Variants in FUT8 observed in about 807,000 individuals in gnomAD.
FUT8 encodes the protein fucosyltransferase 8.
Under a neutral mutation model 71.3 loss-of-function variants are expected in FUT8, and 29 were observed. The ratio of observed to expected loss-of-function variants is 0.41; its 90% confidence interval spans 0.30 to 0.55. FUT8 has a LOEUF of 0.55. Ranked by LOEUF, FUT8 falls within the 20% of genes least tolerant of loss-of-function variation. The probability of loss-of-function intolerance (pLI) is 0.34; values close to 1 mark genes in which losing one functional copy is unlikely to be tolerated. For missense variants in FUT8, 544 were observed against 702.1 expected (o/e 0.77, Z 2.55); for synonymous variants, 254 against 239.3 (o/e 1.06, Z -0.57).
intron 3 of FUT8, among the ~76,000 whole-genome samples, chr14:65,608,441 G>T (rs1888701921): frequency 6.6e-6 from 1 of 151,862 alleles, no homozygotes; most frequent in African/African-American, 2.4e-5. Context: ...AGAGAGCCGT[G>T]TAATCATTTC....
chr14:65,450,507 G>A (rs771256056), intron 1 of FUT8, among the ~76,000 whole-genome samples: 3 of 152,090 alleles, frequency 2.0e-5, no homozygotes, highest in Non-Finnish European at 4.4e-5. Flanking sequence ...TTCCACTAAC[G>A]ATAAGCAAGT....
intron 7 of FUT8, among the ~76,000 whole-genome samples, chr14:65,700,978 A>T (rs888852056): frequency 2.0e-5 from 3 of 152,202 alleles, no homozygotes; most frequent in Admixed American, 2.0e-4. Context: ...CAACTTAGTG[A>T]TCTGTTGAAT....
chr14:65,359,640 A>T, the FUT8 span, among the ~76,000 whole-genome samples: 21 of 152,210 alleles, frequency 1.4e-4, no homozygotes, highest in Non-Finnish European at 2.1e-4. Flanking sequence ...GAGTTCATCC[A>T]TGTTATACTG....
chr14:65,588,763 T>C (rs1887526758), intron 3 of FUT8, among the ~76,000 whole-genome samples: 1 of 152,212 alleles, frequency 6.6e-6, no homozygotes, highest in Non-Finnish European at 1.5e-5. Context: ...CTAACATTTA[T>C]TACATTATCT....
chr14:65,733,562 C>T (rs1355536483), intron 10 of FUT8, among the ~76,000 whole-genome samples, 181 bp downstream of exon 10: 1 of 152,184 alleles, frequency 6.6e-6, no homozygotes, highest in South Asian at 2.1e-4. Flanking sequence ...CATAGCCATT[C>T]ACATGCACTA....
At chr14:65,645,717 A>G (rs535746764) in intron 6 of FUT8, among the ~76,000 whole-genome samples, 101 of 152,316 alleles carry the variant, frequency 6.6e-4, no homozygotes, top group African/African-American at 2.3e-3. Context: ...TTTCAAGACT[A>G]TTAGTGACAG....
chr14:65,492,561 G>C (rs2066497881), intron 2 of FUT8, among the ~76,000 whole-genome samples: 1 of 152,136 alleles, frequency 6.6e-6, no homozygotes, highest in Admixed American at 6.6e-5. Flanking sequence ...CTGTGCTGGA[G>C]TCTCAGCGCC....
intron 3 of FUT8, among the ~76,000 whole-genome samples, chr14:65,582,977 G>C (rs756052007): frequency 6.6e-6 from 1 of 152,130 alleles, no homozygotes; most frequent in Non-Finnish European, 1.5e-5. Flanking sequence ...CTGGCATAGT[G>C]AATGCTGCAT....
chr14:65,449,616 C>G (rs1483049772), intron 1 of FUT8, among the ~76,000 whole-genome samples: 1 of 152,222 alleles, frequency 6.6e-6, no homozygotes. Context: ...AGCTAGAAGA[C>G]ATTGAGGTCC....
intron 3 of FUT8, among the ~76,000 whole-genome samples, chr14:65,573,523 G>A (rs137974425): frequency 2.0e-5 from 3 of 152,176 alleles, no homozygotes; most frequent in African/African-American, 7.2e-5. Context: ...GAGGGAAATT[G>A]CAAAGCTTAG....
intron 2 of FUT8, among the ~76,000 whole-genome samples, chr14:65,517,609 G>T (rs900743532): frequency 6.6e-6 from 1 of 152,148 alleles, no homozygotes; most frequent in Non-Finnish European, 1.5e-5. Context: ...GAATTTTGGG[G>T]TGATCATATC....
At chr14:65,406,538 TTC>T (rs2065089688), upstream of FUT8, among the ~76,000 whole-genome samples, 1 of 152,170 alleles carries the variant, frequency 6.6e-6, no homozygotes, top group East Asian at 1.9e-4. Context: ...CTCTCTCTCT[TTC>T]TCTCTTTCTT....
chr14:65,468,489 G>T, intron 2 of FUT8: 1 of 286,584 alleles, frequency 3.5e-6, no homozygotes, highest in Non-Finnish European at 6.6e-6. Flanking sequence ...ATTTCTCTGT[G>T]GATAAGATGT....
chr14:65,457,090 A>G (rs751759510), intron 2 of FUT8, among the ~76,000 whole-genome samples: 1 of 152,196 alleles, frequency 6.6e-6, no homozygotes, highest in African/African-American at 2.4e-5. Flanking sequence ...AAGGTTAACT[A>G]TAATCACCCT....
intron 7 of FUT8, among the ~76,000 whole-genome samples, chr14:65,698,231 C>T (rs1016234455): frequency 2.0e-5 from 3 of 152,106 alleles, no homozygotes; most frequent in Admixed American, 6.5e-5. Flanking sequence ...ACCATAACTT[C>T]TTACATTACT....
intron 2 of FUT8, among the ~76,000 whole-genome samples, chr14:65,544,420 G>T (rs1245609053): frequency 1.3e-5 from 2 of 151,954 alleles, no homozygotes; most frequent in Non-Finnish European, 2.9e-5. Context: ...AACACATCAT[G>T]GTGCCAATCA....
chr14:65,391,649 T>C, the FUT8 span, among the ~76,000 whole-genome samples: 1 of 151,858 alleles, frequency 6.6e-6, no homozygotes, highest in African/African-American at 2.4e-5. Context: ...CCACTGTACC[T>C]GGCTAATTTT....
chr14:65,476,543 A>G (rs1308099299), intron 2 of FUT8, among the ~76,000 whole-genome samples: 2 of 152,186 alleles, frequency 1.3e-5, no homozygotes, highest in African/African-American at 2.4e-5. Context: ...GCACACAGAA[A>G]GGAGTAATGA....
the FUT8 span, among the ~76,000 whole-genome samples, chr14:65,398,623 C>A: frequency 2.0e-5 from 3 of 151,802 alleles, no homozygotes; most frequent in Admixed American, 1.3e-4. Flanking sequence ...ATAGTCCCAG[C>A]TACTTGGGAA....
Sources: allele counts gnomAD v4.1 joint callset (sites outside exome capture counted in the v4.1 genomes callset), GRCh38; gene constraint gnomAD v4.1.1; transcripts MANE v1.5; gene names NCBI Gene and HGNC (gene_info 2026-07-23, HGNC 2026-07-21).